WDPCP: variants seen among roughly 807,000 people sequenced by gnomAD.
WDPCP encodes the protein WD repeat-containing and planar cell polarity effector protein fritz homolog.
Under a neutral mutation model 93.1 loss-of-function variants are expected in WDPCP, and 71 were observed. The ratio of observed to expected loss-of-function variants is 0.76; its 90% CI spans 0.63 to 0.93. The LOEUF (loss-of-function observed/expected upper bound fraction) is 0.93. WDPCP is among the 40% of genes least tolerant of loss of function. WDPCP has a pLI of 0.00. For missense variants in WDPCP, 844 were observed against 887.4 expected (o/e 0.95, Z 0.62); for synonymous variants, 315 against 315.0 (o/e 1.00, Z 0.00).
chr2:63,373,075 A>G (rs1054322963), intron 12 of WDPCP, among the ~76,000 whole-genome samples: 18 of 152,124 alleles, frequency 1.2e-4, no homozygotes, highest in African/African-American at 4.3e-4. Flanking sequence ...GTGAGCCAAG[A>G]TAACTCCATT....
At chr2:63,679,534 T>A (rs1710463899) in intron 2 of WDPCP, among the ~76,000 whole-genome samples, 1 of 152,160 alleles carries the variant, frequency 6.6e-6, no homozygotes, top group Non-Finnish European at 1.5e-5. Context: ...CATAGCCACA[T>A]CTTATTAATA....
chr2:63,705,603 C>A (rs903754987), intron 2 of WDPCP, among the ~76,000 whole-genome samples: 2 of 152,122 alleles, frequency 1.3e-5, no homozygotes, highest in Admixed American at 6.5e-5. Flanking sequence ...TGTAGTTGAG[C>A]AGTTTTGAGT....
intron 12 of WDPCP, among the ~76,000 whole-genome samples, chr2:63,350,476 C>CAAAA (rs33962210): frequency 6.9e-6 from 1 of 144,012 alleles, no homozygotes; most frequent in African/African-American, 2.6e-5. Context: ...CAACGAAACC[C>CAAAA]AAAAAAAAAA....
intron 6 of WDPCP, among the ~76,000 whole-genome samples, chr2:63,450,990 G>A (rs1698205970): frequency 6.6e-6 from 1 of 151,714 alleles, no homozygotes; most frequent in Non-Finnish European, 1.5e-5. Flanking sequence ...CCCCAACATC[G>A]GATTCCAATC....
At chr2:63,427,427 C>A (rs1318673306) in intron 9 of WDPCP, among the ~76,000 whole-genome samples, 1 of 152,168 alleles carries the variant, frequency 6.6e-6, no homozygotes, top group Non-Finnish European at 1.5e-5. Context: ...GAAATCAATA[C>A]CAAAAGTTCT....
intron 1 of WDPCP, among the ~76,000 whole-genome samples, chr2:63,822,851 T>C (rs1173265717): frequency 6.6e-6 from 1 of 151,362 alleles, no homozygotes; most frequent in African/African-American, 2.4e-5. Context: ...ACCTTGTCTC[T>C]AAATATATAT....
chr2:63,597,556 C>A, intron 3 of WDPCP: 4 of 1,420,560 alleles, frequency 2.8e-6, no homozygotes, highest in Non-Finnish European at 3.7e-6. Context: ...TAGATAAATA[C>A]GCCAAGAAGT....
intron 17 of WDPCP, among the ~76,000 whole-genome samples, chr2:63,125,945 T>TG (rs1175482159): frequency 6.6e-6 from 1 of 150,984 alleles, no homozygotes; most frequent in Non-Finnish European, 1.5e-5. Flanking sequence ...GCTTTTTTTT[T>TG]TTTTTTTGAG....
chr2:63,566,668 G>A (rs1182051313), intron 1 of WDPCP, among the ~76,000 whole-genome samples: 1 of 152,118 alleles, frequency 6.6e-6, no homozygotes, highest in Non-Finnish European at 1.5e-5. Flanking sequence ...CCAATTCTCT[G>A]GACACCAACT....
At chr2:63,486,477 G>C in intron 4 of WDPCP, 65 bp downstream of exon 4, 3 of 1,426,630 alleles carry the variant, frequency 2.1e-6, no homozygotes, top group Non-Finnish European at 2.9e-6. Flanking sequence ...TGTTCCAGAT[G>C]AATATTTTAT....
chr2:63,717,812 A>C (rs562721142), intron 2 of WDPCP: 12 of 257,056 alleles, frequency 4.7e-5, no homozygotes, highest in African/African-American at 2.5e-4. Flanking sequence ...GTATACTGGC[A>C]CAGCACATTT....
At chr2:63,702,702 T>A (rs1669077871) in intron 2 of WDPCP, among the ~76,000 whole-genome samples, 1 of 141,712 alleles carries the variant, frequency 7.1e-6, no homozygotes, top group Non-Finnish European at 1.6e-5. Context: ...CACATCCAGC[T>A]AATTTTTTTT....
upstream of WDPCP, among the ~76,000 whole-genome samples, chr2:63,832,133 T>C (rs921920832): frequency 2.6e-5 from 4 of 152,240 alleles, no homozygotes; most frequent in Non-Finnish European, 5.9e-5. Context: ...GTTTGACTCA[T>C]TAGGCAGTTT....
At chr2:63,603,063 G>C (rs1427733390) in intron 3 of WDPCP, among the ~76,000 whole-genome samples, 1 of 150,916 alleles carries the variant, frequency 6.6e-6, no homozygotes, top group Non-Finnish European at 1.5e-5. Context: ...AGGTTCAAGA[G>C]ATTCTCCTGC....
chr2:63,174,399 T>C (rs1349980831), intron 15 of WDPCP, among the ~76,000 whole-genome samples: 2 of 152,162 alleles, frequency 1.3e-5, no homozygotes, highest in African/African-American at 2.4e-5. Context: ...AATCCTAGAA[T>C]TTAACAGCAG....
intron 13 of WDPCP, among the ~76,000 whole-genome samples, chr2:63,274,668 T>G (rs935136650): frequency 1.3e-5 from 2 of 152,126 alleles, no homozygotes; most frequent in African/African-American, 2.4e-5. Flanking sequence ...CTGAGACTTT[T>G]ATGAACAACT....
At chr2:63,186,348 G>C (rs909537806) in intron 14 of WDPCP, among the ~76,000 whole-genome samples, 3 of 151,836 alleles carry the variant, frequency 2.0e-5, no homozygotes, top group South Asian at 2.1e-4. Context: ...TCTGGATGTG[G>C]GGGCCCTTCC....
intron 12 of WDPCP, among the ~76,000 whole-genome samples, chr2:63,373,962 G>T (rs1691625905): frequency 1.3e-5 from 2 of 151,322 alleles, no homozygotes; most frequent in Non-Finnish European, 2.9e-5. Context: ...TATTGTCCAA[G>T]ATTTTATTTT....
At chr2:63,257,602 G>A (rs1681252975) in intron 14 of WDPCP, among the ~76,000 whole-genome samples, 1 of 152,142 alleles carries the variant, frequency 6.6e-6, no homozygotes, top group South Asian at 2.1e-4. Flanking sequence ...TGAGAAAAGG[G>A]AAGTCACAGG....
Sources: gnomAD v4.1 joint callset for allele counts (sites outside exome capture counted in the v4.1 genomes callset) on GRCh38, gnomAD v4.1.1 for gene constraint, MANE v1.5 for transcripts, NCBI Gene and HGNC (gene_info 2026-07-23, HGNC 2026-07-21) for gene names.